The following PTPRN2 variants were observed in gnomAD, a reference collection of about 807,000 sequenced individuals.
PTPRN2 encodes receptor-type tyrosine-protein phosphatase N2.
In PTPRN2, 74 loss-of-function variants were observed where a neutral mutation model predicts 118.8. The ratio of observed to expected loss-of-function variants is 0.62; its 90% CI spans 0.52 to 0.76. PTPRN2 has a LOEUF of 0.76. Among genes scored for constraint, PTPRN2 ranks in the 30% least tolerant of loss-of-function variants. The pLI is 0.00. For synonymous variants in PTPRN2, 641 were observed against 608.0 expected, an observed-to-expected ratio of 1.05 and a Z score of -0.80; for missense variants, 1,481 against 1,394.4, an observed-to-expected ratio of 1.06 and a Z score of -0.99.
Position 158,003,167 on chromosome 7 carries a change from C to G in PTPRN2, c.1723+78131G>C, listed in dbSNP as rs981579396. 2.0e-5 allele frequency among the ~76,000 whole-genome samples: 3 copies of G among 152,122 alleles called. No individual in the cohort carries two copies. Among genetic ancestry groups the G allele is most frequent in the Non-Finnish European group, 4.4e-5 (3 of 68,012 alleles). ...CGGTGGCTCACGCCTGTAATCCCAGCACTTTGGGAGGCCGAGACGGGCGGA... is the reference window on the plus strand; with the variant it reads ...CGGTGGCTCACGCCTGTAATCCCAGGACTTTGGGAGGCCGAGACGGGCGGA... On this transcript the variant is annotated intron_variant, in intron 11 of 22. Transcript: ENST00000389418. The surrounding 1 kb of genome is among the most constrained non-coding windows in gnomAD (Gnocchi z 5.0).
At chr7:158,194,528 G>T (rs1158736702) in intron 4 of PTPRN2, among the ~76,000 whole-genome samples, 1 of 152,236 alleles carries the variant, frequency 6.6e-6, no homozygotes, top group Admixed American at 6.5e-5. Flanking sequence ...TTGTGCTGCA[G>T]TGGACGGTCC....
At chr7:158,340,607 C>G (rs200143596) in intron 2 of PTPRN2, among the ~76,000 whole-genome samples, 1 of 113,602 alleles carries the variant, frequency 8.8e-6, no homozygotes, top group Non-Finnish European at 1.9e-5. Flanking sequence ...TCACTCACAC[C>G]CACACACGTC....
intron 12 of PTPRN2, among the ~76,000 whole-genome samples, chr7:157,776,579 C>G (rs1314658094): frequency 6.5e-5 from 1 of 15,448 alleles, no homozygotes; most frequent in African/African-American, 3.0e-4. Flanking sequence ...TCTCCTCCTC[C>G]CTCTTCTTCT....
intron 12 of PTPRN2, among the ~76,000 whole-genome samples, chr7:157,750,961 C>A (rs1563071416): frequency 6.6e-6 from 1 of 152,332 alleles, no homozygotes; most frequent in Non-Finnish European, 1.5e-5. Context: ...GGCCGTGGAA[C>A]CTTCTGGCCG....
At chr7:157,950,143 T>C (rs1264193200) in intron 11 of PTPRN2, among the ~76,000 whole-genome samples, 1 of 152,246 alleles carries the variant, frequency 6.6e-6, no homozygotes, top group Non-Finnish European at 1.5e-5. Flanking sequence ...GGTGTGTATA[T>C]CTCAATGGAA....
intron 13 of PTPRN2, among the ~76,000 whole-genome samples, chr7:157,678,248 A>G (rs977979077): frequency 6.6e-6 from 1 of 152,248 alleles, no homozygotes; most frequent in African/African-American, 2.4e-5. Flanking sequence ...ATTTAAATAT[A>G]TAGTGAGGAA....
chr7:157,780,834 C>T lies in PTPRN2; in HGVS notation c.1789-97897G>A, dbSNP rs929934393. On this transcript the variant is annotated intron_variant, in intron 12 of 22. Transcript: ENST00000389418. The surrounding 1 kb of genome is among the most constrained non-coding windows in gnomAD (Gnocchi z 4.5). ...GCCTCATCCGTGATGAGCTGCCCCG[C>T]GGGTCCCCACAGATCAATCAGGACA... Among the ~76,000 whole-genome samples, 2 of 152,178 alleles carry T rather than the reference C, an allele frequency of 1.3e-5. No homozygotes were observed. Among genetic ancestry groups the T allele is most frequent in the Admixed American group, 6.5e-5 (1 of 15,286 alleles).
chr7:158,312,481 T>C (rs11763143), intron 3 of PTPRN2, among the ~76,000 whole-genome samples: 141,683 of 149,328 alleles, frequency 0.95, 67,168 homozygotes, highest in Middle Eastern at 0.97. Context: ...CCCACACATG[T>C]ACACACACGT....
chr7:157,964,374 G>A lies in PTPRN2; in HGVS notation c.1724-65637C>T, dbSNP rs548308669. Among the ~76,000 whole-genome samples, 1 of 152,178 alleles carries A rather than the reference G, an allele frequency of 6.6e-6. No individual in the cohort carries two copies. Among genetic ancestry groups the A allele is most frequent in the African/African-American group, 2.4e-5 (1 of 41,514 alleles). On this transcript the variant is annotated intron_variant, in intron 11 of 22. Coordinates refer to ENST00000389418, the MANE Select transcript of PTPRN2 (RefSeq NM_002847.5). This position sits in a 1 kb window ranked among gnomAD's most constrained non-coding sequence, Gnocchi z 9.0. ...ATCAGCAAGATGTTGGCAACTGCTG[G>A]GCTGGATGGTTATTAGCATATTAGG...
chr7:158,070,326 GTGGT>G (rs1811128100), intron 11 of PTPRN2, among the ~76,000 whole-genome samples: 7 of 140,528 alleles, frequency 5.0e-5, no homozygotes, highest in Non-Finnish European at 1.1e-4. Flanking sequence ...GGAGGTGCTC[GTGGT>G]GTGGAGGTGC....
chr7:157,574,422 T>C (rs1311012278), intron 19 of PTPRN2: 2 of 532,566 alleles, frequency 3.8e-6, no homozygotes, highest in South Asian at 2.8e-5. Context: ...TGGCCACCGC[T>C]AATTAGCTGG....
intron 2 of PTPRN2, among the ~76,000 whole-genome samples, chr7:158,332,741 A>C (rs1804749309): frequency 6.6e-6 from 1 of 151,258 alleles, no homozygotes; most frequent in Non-Finnish European, 1.5e-5. Context: ...TCACCATAAG[A>C]GCTGAGGCCC....
chr7:158,557,327 G>A (rs1243699025), intron 1 of PTPRN2, among the ~76,000 whole-genome samples: 1 of 149,742 alleles, frequency 6.7e-6, no homozygotes, highest in Admixed American at 6.6e-5. Context: ...GCGCAGGGCA[G>A]GCGGCTCCCG....
intron 3 of PTPRN2, among the ~76,000 whole-genome samples, chr7:158,279,916 A>C (rs1309881116): frequency 6.6e-6 from 1 of 152,140 alleles, no homozygotes; most frequent in East Asian, 1.9e-4. Context: ...ACGGTGTGCC[A>C]GGTAAAATAA....
chr7:158,239,112 G>T (rs1344861663), intron 3 of PTPRN2, among the ~76,000 whole-genome samples: 1 of 152,172 alleles, frequency 6.6e-6, no homozygotes, highest in African/African-American at 2.4e-5. Flanking sequence ...CGGGGTGGGG[G>T]CCACCACCAT....
intron 3 of PTPRN2, among the ~76,000 whole-genome samples, chr7:158,216,678 A>C (rs953178012): frequency 6.6e-6 from 1 of 152,180 alleles, no homozygotes; most frequent in African/African-American, 2.4e-5. Context: ...CTATATATGA[A>C]TTATATAGAT....
At chr7:158,302,778 C>A (rs1800989085) in intron 3 of PTPRN2, among the ~76,000 whole-genome samples, 1 of 152,228 alleles carries the variant, frequency 6.6e-6, no homozygotes, top group Admixed American at 6.5e-5. Context: ...CCCCTAAGCT[C>A]TTTCAAGTGG....
chr7:158,263,908 T>A (rs1457115750), intron 3 of PTPRN2, among the ~76,000 whole-genome samples: 1 of 152,116 alleles, frequency 6.6e-6, no homozygotes, highest in Non-Finnish European at 1.5e-5. Flanking sequence ...CCAGCGGAGG[T>A]GGCTGAACAC....
intron 6 of PTPRN2, among the ~76,000 whole-genome samples, chr7:158,146,720 CA>C (rs1380414832): frequency 0.01 from 895 of 88,580 alleles, 3 homozygotes; most frequent in African/African-American, 0.026. Flanking sequence ...GACTCTGCCT[CA>C]AAAAAAAAAA....
Sources: gnomAD v4.1 joint callset for allele counts (sites outside exome capture counted in the v4.1 genomes callset) on GRCh38, gnomAD v4.1.1 for gene constraint, Gnocchi (gnomAD v3.1) non-coding constraint, MANE v1.5 for transcripts, NCBI Gene and HGNC (gene_info 2026-07-23, HGNC 2026-07-21) for gene names.